CSMD1: variants seen among roughly 807,000 people sequenced by gnomAD.
CSMD1 encodes CUB and Sushi multiple domains 1, also known as CUB and sushi domain-containing protein 1.
A neutral mutation model predicts 417.5 loss-of-function variants in CSMD1; 213 were observed. That is an observed-to-expected ratio of 0.51 (90% CI 0.46 to 0.57). CSMD1 has a LOEUF of 0.57. Among genes scored for constraint, CSMD1 ranks in the 20% least tolerant of loss-of-function variants. The probability of loss-of-function intolerance (pLI) is 0.00; values close to 1 mark genes in which losing one functional copy is unlikely to be tolerated. For missense variants in CSMD1, 6,923 were observed against 4,529.7 expected (o/e 1.53, Z -15.17); for synonymous variants, 2,862 against 1,736.8 (o/e 1.65, Z -16.11).
At chr8:4,277,768 G>T (rs376984943) in intron 3 of CSMD1, among the ~76,000 whole-genome samples, 3 of 152,026 alleles carry the variant, frequency 2.0e-5, no homozygotes, top group Non-Finnish European at 2.9e-5. Context: ...TTTTTTCTGA[G>T]ACGGAGTCTC....
intron 1 of CSMD1, among the ~76,000 whole-genome samples, chr8:4,959,913 A>G (rs1182385966): frequency 6.6e-6 from 1 of 151,996 alleles, no homozygotes; most frequent in Non-Finnish European, 1.5e-5. Flanking sequence ...AATCTTCCCT[A>G]TTTTCTGCTC....
chr8:4,198,624 T>C (rs866083670), intron 3 of CSMD1, among the ~76,000 whole-genome samples: 2 of 152,280 alleles, frequency 1.3e-5, no homozygotes, highest in Middle Eastern at 3.4e-3. Flanking sequence ...AGCATATAGA[T>C]CGATGGATAA....
intron 5 of CSMD1, among the ~76,000 whole-genome samples, chr8:3,878,491 C>T (rs1409337627): frequency 6.6e-6 from 1 of 151,934 alleles, no homozygotes; most frequent in East Asian, 1.9e-4. Flanking sequence ...CTAAGTAGAA[C>T]ACAAGCTAGC....
chr8:4,402,808 T>A (rs1563136643), intron 3 of CSMD1, among the ~76,000 whole-genome samples: 12 of 67,062 alleles, frequency 1.8e-4, no homozygotes, highest in African/African-American at 6.0e-4. Context: ...TTCTTTTTTT[T>A]TTTTTTTTTT....
chr8:3,347,612 T>C (rs1292180191), intron 22 of CSMD1, among the ~76,000 whole-genome samples: 4 of 152,226 alleles, frequency 2.6e-5, no homozygotes, highest in Admixed American at 6.5e-5. Flanking sequence ...ATTACAACTA[T>C]GTGCTAGACA....
chr8:4,461,351 G>A (rs1172915805), intron 2 of CSMD1, among the ~76,000 whole-genome samples: 4 of 151,724 alleles, frequency 2.6e-5, no homozygotes, highest in Admixed American at 6.6e-5. Context: ...CATACTGGAG[G>A]TTTTAGCTAG....
intron 4 of CSMD1, among the ~76,000 whole-genome samples, chr8:4,013,706 C>T (rs1307232272): frequency 6.6e-6 from 1 of 152,126 alleles, no homozygotes; most frequent in Non-Finnish European, 1.5e-5. Context: ...TATTGTAGCC[C>T]CAGCAGCTAC....
At position 4,603,513 on chromosome 8, in the gene CSMD1, G is replaced by C. The variant is rs1800704272; in HGVS notation, c.302+33829C>G. Among the ~76,000 whole-genome samples, 2 of 152,060 alleles carry C rather than the reference G, an allele frequency of 1.3e-5. 1 individual carries two copies. On this transcript the variant is annotated intron_variant, in intron 2 of 69. Transcript: ENST00000635120. ...AGGTAAGTATTAATCCTATTTAAAA[G>C]ATAAGCAGTGGGTAAAATAAAAGGA...
chr8:3,096,575 T>C (rs1162378134), intron 47 of CSMD1, among the ~76,000 whole-genome samples: 2 of 152,090 alleles, frequency 1.3e-5, no homozygotes, highest in Non-Finnish European at 2.9e-5. Context: ...GAACTGTAAA[T>C]CCATTAAATC....
chr8:3,718,825 C>T (rs1306164968), intron 6 of CSMD1, among the ~76,000 whole-genome samples: 1 of 152,118 alleles, frequency 6.6e-6, no homozygotes, highest in Non-Finnish European at 1.5e-5. Context: ...AGTTTTCAGA[C>T]ATAAGCAGGA....
chr8:4,401,991 C>A (rs1420546299), intron 3 of CSMD1, among the ~76,000 whole-genome samples: 1 of 152,084 alleles, frequency 6.6e-6, no homozygotes, highest in South Asian at 2.1e-4. Context: ...CACCGGACTC[C>A]CTGCCACATT....
At chr8:4,422,996 C>G (rs1334320173) in intron 2 of CSMD1, among the ~76,000 whole-genome samples, 2 of 151,790 alleles carry the variant, frequency 1.3e-5, no homozygotes, top group African/African-American at 4.8e-5. Context: ...GAGAAAAGTT[C>G]TCAGTAACAT....
intron 5 of CSMD1, among the ~76,000 whole-genome samples, chr8:3,834,098 ATTGTTT>A (rs1379317328): frequency 1.3e-5 from 2 of 152,092 alleles, no homozygotes; most frequent in Non-Finnish European, 2.9e-5. Context: ...CTTTCTTAAA[ATTGTTT>A]TTGTTTTCCT....
At chr8:3,378,230 C>G (rs1411930655) in intron 18 of CSMD1, among the ~76,000 whole-genome samples, 1 of 152,166 alleles carries the variant, frequency 6.6e-6, no homozygotes, top group African/African-American at 2.4e-5. Flanking sequence ...AGACCAAAAA[C>G]AAGTTCTGAA....
At chr8:4,801,431 A>G (rs906707457) in intron 1 of CSMD1, among the ~76,000 whole-genome samples, 33 of 149,864 alleles carry the variant, frequency 2.2e-4, no homozygotes, top group African/African-American at 7.8e-4. Context: ...CCAGTCAGCT[A>G]CTCTTAGCGG....
At chr8:4,814,285 G>C (rs1384690715) in intron 1 of CSMD1, among the ~76,000 whole-genome samples, 1 of 152,242 alleles carries the variant, frequency 6.6e-6, no homozygotes, top group East Asian at 1.9e-4. Context: ...CGCTCTTAAT[G>C]GCCAGGCTGG....
intron 7 of CSMD1, among the ~76,000 whole-genome samples, chr8:3,706,269 G>T (rs1169703467): frequency 6.6e-6 from 1 of 152,206 alleles, no homozygotes; most frequent in Admixed American, 6.5e-5. Context: ...ATTAATAATT[G>T]TGTAAGCGAT....
intron 12 of CSMD1, among the ~76,000 whole-genome samples, chr8:3,463,628 G>C (rs550474033): frequency 6.6e-6 from 1 of 152,170 alleles, no homozygotes; most frequent in Non-Finnish European, 1.5e-5. Flanking sequence ...AGCTGTCCTC[G>C]GTTCAGGGAC....
chr8:3,123,204 C>T (rs1426540266), intron 41 of CSMD1, among the ~76,000 whole-genome samples: 2 of 152,162 alleles, frequency 1.3e-5, no homozygotes, highest in African/African-American at 4.8e-5. Flanking sequence ...CACACACACC[C>T]CTCATCTGCA....
Sources: gnomAD v4.1 joint callset for allele counts (sites outside exome capture counted in the v4.1 genomes callset) on GRCh38, gnomAD v4.1.1 for gene constraint, MANE v1.5 for transcripts, NCBI Gene and HGNC (gene_info 2026-07-23, HGNC 2026-07-21) for gene names.